The following GRM7 variants were observed in gnomAD, a reference collection of about 807,000 sequenced individuals.
The protein encoded by GRM7 is glutamate metabotropic receptor 7, also known as metabotropic glutamate receptor 7.
Under a neutral mutation model 84.5 loss-of-function variants are expected in GRM7, and 35 were observed. The observed-to-expected ratio is 0.41, with a 90% confidence interval of 0.32 to 0.55. GRM7 has a LOEUF of 0.55. GRM7 is among the 20% of genes least tolerant of loss of function. The pLI is 0.19. For missense variants in GRM7, 1,003 were observed against 1,194.6 expected, an observed-to-expected ratio of 0.84 and a Z score of 2.36; for synonymous variants, 487 against 455.1, an observed-to-expected ratio of 1.07 and a Z score of -0.89.
At chr3:7,561,617 C>T (rs962304443) in intron 7 of GRM7, 1 of 455,444 alleles carries the variant, frequency 2.2e-6, no homozygotes, top group Non-Finnish European at 4.4e-6. Context: ...TTTCATATCC[C>T]TTTAGTCCTC....
At chr3:7,174,899 A>G (rs1695095499) in intron 2 of GRM7, among the ~76,000 whole-genome samples, 1 of 152,214 alleles carries the variant, frequency 6.6e-6, no homozygotes, top group Non-Finnish European at 1.5e-5. Context: ...CTAAGCTTTA[A>G]TTTATTTTTC....
intron 9 of GRM7, chr3:7,691,377 T>C (rs906843309): frequency 3.2e-6 from 2 of 628,040 alleles, no homozygotes; most frequent in African/African-American, 3.9e-5. Context: ...TGCTATCTTT[T>C]TCTCTGGTCA....
rs532606581 is a variant in GRM7 at position 7,674,888 on chromosome 3, C to A, written c.2452-5161C>A. Among the ~76,000 whole-genome samples, 3 of 152,272 alleles carry A rather than the reference C, an allele frequency of 2.0e-5. No individual in the cohort carries two copies. The South Asian group carries it at 6.2e-4, about 32-fold the overall frequency. ...GTACCAAAACTAAAAAATAGGTAAA[C>A]CCATAAATGGATGACTGTACAAGTA... On this transcript the variant is annotated intron_variant, in intron 8 of 9. Coordinates refer to ENST00000357716, the MANE Select transcript of GRM7 (RefSeq NM_000844.4).
At chr3:7,410,656 C>CACACACACACACACACA (rs1553585549) in intron 4 of GRM7, among the ~76,000 whole-genome samples, 23 of 142,616 alleles carry the variant, frequency 1.6e-4, no homozygotes, top group African/African-American at 6.0e-4. Flanking sequence ...ACCACCACCA[C>CACACACACACACACACA]CACACACACA....
At chr3:7,066,031 G>A (rs1208088949) in intron 1 of GRM7, among the ~76,000 whole-genome samples, 1 of 151,756 alleles carries the variant, frequency 6.6e-6, no homozygotes, top group Admixed American at 6.6e-5. Context: ...CAAAGGCGGT[G>A]CCAAGAGGAA....
chr3:6,973,633 A>G (rs2125097112), intron 1 of GRM7, among the ~76,000 whole-genome samples: 1 of 152,338 alleles, frequency 6.6e-6, no homozygotes. Context: ...TTGGTGAGAT[A>G]GGAAGAAAGT....
intron 4 of GRM7, among the ~76,000 whole-genome samples, chr3:7,319,970 C>A (rs538636953): frequency 2.6e-5 from 4 of 152,152 alleles, no homozygotes; most frequent in African/African-American, 9.6e-5. Context: ...ATTTCTATCA[C>A]ACCAGATAGA....
At chr3:7,506,430 C>T (rs1186069103) in intron 7 of GRM7, among the ~76,000 whole-genome samples, 2 of 152,138 alleles carry the variant, frequency 1.3e-5, no homozygotes, top group Non-Finnish European at 2.9e-5. Context: ...CCTACTCCTC[C>T]AAATTCTTCC....
chr3:7,360,645 T>A (rs1160132419), intron 4 of GRM7, among the ~76,000 whole-genome samples: 1 of 152,136 alleles, frequency 6.6e-6, no homozygotes, highest in African/African-American at 2.4e-5. Context: ...GTTTAACTAT[T>A]TCTCCACATA....
At chr3:7,197,944 A>C (rs1695934173) in intron 2 of GRM7, among the ~76,000 whole-genome samples, 1 of 152,128 alleles carries the variant, frequency 6.6e-6, no homozygotes, top group South Asian at 2.1e-4. Flanking sequence ...TTAAAGATTA[A>C]GTGGGACCCA....
chr3:7,064,759 A>C (rs1174251914), intron 1 of GRM7, among the ~76,000 whole-genome samples: 1 of 151,516 alleles, frequency 6.6e-6, no homozygotes, highest in Non-Finnish European at 1.5e-5. Flanking sequence ...GTAGTTCTTT[A>C]AGGAATCTCC....
At chr3:7,180,407 A>G (rs11715681) in intron 2 of GRM7, among the ~76,000 whole-genome samples, 38,607 of 152,072 alleles carry the variant, frequency 0.25, 5,645 homozygotes, top group Non-Finnish European at 0.34. Flanking sequence ...AACACACCCA[A>G]ACAGCAATCT....
intron 1 of GRM7, among the ~76,000 whole-genome samples, chr3:7,140,501 A>T (rs1693912581): frequency 6.6e-6 from 1 of 152,064 alleles, no homozygotes; most frequent in Non-Finnish European, 1.5e-5. Flanking sequence ...ACTTACTTAT[A>T]CGTAACCTTC....
chr3:7,504,121 T>G (rs553278068), intron 7 of GRM7, among the ~76,000 whole-genome samples: 2 of 152,312 alleles, frequency 1.3e-5, no homozygotes, highest in Admixed American at 6.5e-5. Context: ...AATAAAAAAT[T>G]TTGTGGTATA....
rs553140143 is a variant in GRM7 at position 7,144,840 on chromosome 3, T to C, written c.520-1612T>C. On this transcript the variant is annotated intron_variant, in intron 1 of 9. Coordinates refer to ENST00000357716, the MANE Select transcript of GRM7 (RefSeq NM_000844.4). ...CAAGTTGCTCAGGTAGAAGGACCCA[T>C]CAGGAGACATGCAGGCTTTCTCACA... is the stretch of plus-strand genomic sequence containing the variant. Among the ~76,000 whole-genome samples the C allele has an allele frequency of 1.2e-4, 18 of 152,272 alleles. No homozygotes were observed. The East Asian group carries it at 3.5e-3, about 29-fold the overall frequency.
At chr3:6,878,556 A>AATAATAATAATG (rs1695398297) in intron 1 of GRM7, among the ~76,000 whole-genome samples, 1 of 151,772 alleles carries the variant, frequency 6.6e-6, no homozygotes, top group African/African-American at 2.4e-5. Flanking sequence ...TAATAATAAT[A>AATAATAATAATG]ATACAAAAAC....
At chr3:6,896,564 G>T (rs528930966) in intron 1 of GRM7, among the ~76,000 whole-genome samples, 3 of 152,142 alleles carry the variant, frequency 2.0e-5, no homozygotes, top group South Asian at 2.1e-4. Flanking sequence ...TGCATCATCA[G>T]TGTGGCCTGA....
intron 1 of GRM7, among the ~76,000 whole-genome samples, chr3:7,001,197 A>T (rs549660006): frequency 1.2e-3 from 176 of 152,194 alleles, no homozygotes; most frequent in African/African-American, 3.6e-3. Flanking sequence ...AGATTTTTTT[A>T]AAATTGTCTG....
chr3:7,163,276 C>T (rs180878588), intron 2 of GRM7, among the ~76,000 whole-genome samples: 1 of 152,316 alleles, frequency 6.6e-6, no homozygotes, highest in East Asian at 1.9e-4. Flanking sequence ...GGTAGCTAGA[C>T]AGGGCCCCCC....
Sources: gnomAD v4.1 joint callset for allele counts (sites outside exome capture counted in the v4.1 genomes callset) on GRCh38, gnomAD v4.1.1 for gene constraint, MANE v1.5 for transcripts, NCBI Gene and HGNC (gene_info 2026-07-23, HGNC 2026-07-21) for gene names.